PCDH9: variants seen among roughly 807,000 people sequenced by gnomAD.
The protein encoded by PCDH9 is protocadherin 9.
In PCDH9, 24 loss-of-function variants were observed where a neutral mutation model predicts 70.6. The ratio of observed to expected loss-of-function variants is 0.34; its 90% CI spans 0.25 to 0.48. The LOEUF is 0.48. Ranked by LOEUF, PCDH9 falls within the 20% of genes least tolerant of loss-of-function variation. The pLI, the probability that PCDH9 is intolerant of heterozygous loss-of-function variation, is 0.99. For synonymous variants in PCDH9, 562 were observed against 558.5 expected (o/e 1.01, Z -0.09); for missense variants, 1,281 against 1,503.6 (o/e 0.85, Z 2.45).
intron 4 of PCDH9, among the ~76,000 whole-genome samples, chr13:66,313,446 G>C (rs1955597964): frequency 6.6e-6 from 1 of 152,194 alleles, no homozygotes; most frequent in Non-Finnish European, 1.5e-5. Context: ...TGCAGACTAA[G>C]GTGTTAAGCA....
intron 3 of PCDH9, among the ~76,000 whole-genome samples, chr13:66,712,435 T>C (rs1053700192): frequency 3.3e-5 from 5 of 152,134 alleles, no homozygotes; most frequent in Admixed American, 3.3e-4. Flanking sequence ...TTATTTTCCA[T>C]AAAATAACTT....
At chr13:66,815,903 C>T (rs980471221) in intron 3 of PCDH9, among the ~76,000 whole-genome samples, 1 of 152,056 alleles carries the variant, frequency 6.6e-6, no homozygotes, top group Admixed American at 6.6e-5. Flanking sequence ...ACATGCACCC[C>T]GAACCTAACA....
At chr13:66,895,198 ATATT>A (rs2082157512) in intron 3 of PCDH9, among the ~76,000 whole-genome samples, 1 of 152,158 alleles carries the variant, frequency 6.6e-6, no homozygotes, top group African/African-American at 2.4e-5. Context: ...TTATGTGAAA[ATATT>A]TATTTAATTT....
At chr13:67,126,995 T>C (rs1490945336) in intron 2 of PCDH9, among the ~76,000 whole-genome samples, 2 of 152,186 alleles carry the variant, frequency 1.3e-5, no homozygotes, top group Non-Finnish European at 2.9e-5. Flanking sequence ...AAATTTCTGT[T>C]CCCTTAAGTC....
chr13:66,459,474 T>A (rs969233729), intron 4 of PCDH9, among the ~76,000 whole-genome samples: 2 of 151,992 alleles, frequency 1.3e-5, no homozygotes, highest in African/African-American at 4.8e-5. Context: ...AAGTTGTGTT[T>A]TTTTTTTATA....
chr13:66,923,913 T>C (rs961387603), intron 2 of PCDH9, among the ~76,000 whole-genome samples: 1 of 151,808 alleles, frequency 6.6e-6, no homozygotes, highest in Non-Finnish European at 1.5e-5. Flanking sequence ...ACAGTACTTA[T>C]CATACTAATG....
chr13:66,467,080 C>T (rs35818042), intron 4 of PCDH9, among the ~76,000 whole-genome samples: 3,973 of 152,028 alleles, frequency 0.026, 75 homozygotes, highest in Non-Finnish European at 0.041. Flanking sequence ...GGGGAAGTAG[C>T]TTTTTCTTTA....
At chr13:66,877,588 G>A (rs916521529) in intron 3 of PCDH9, among the ~76,000 whole-genome samples, 3 of 152,102 alleles carry the variant, frequency 2.0e-5, no homozygotes, top group African/African-American at 4.8e-5. Flanking sequence ...TGCCCATTCT[G>A]AGATTCAGAG....
intron 4 of PCDH9, among the ~76,000 whole-genome samples, chr13:66,393,084 A>G (rs1160668312): frequency 6.6e-6 from 1 of 152,088 alleles, no homozygotes; most frequent in Non-Finnish European, 1.5e-5. Flanking sequence ...CCTTGAGTAG[A>G]GCTATTGGAA....
intron 4 of PCDH9, among the ~76,000 whole-genome samples, chr13:66,370,403 A>G (rs552772277): frequency 3.2e-4 from 48 of 152,108 alleles, no homozygotes; most frequent in Middle Eastern, 3.4e-3. Flanking sequence ...TTGTTTCGGT[A>G]AAGTGTGTTC....
intron 4 of PCDH9, among the ~76,000 whole-genome samples, chr13:66,448,644 T>C (rs948481660): frequency 1.3e-5 from 2 of 152,292 alleles, no homozygotes; most frequent in South Asian, 4.1e-4. Flanking sequence ...GACAGAGACT[T>C]AATTGTGGGC....
intron 2 of PCDH9, among the ~76,000 whole-genome samples, chr13:67,183,042 A>G (rs1205929049): frequency 6.6e-6 from 1 of 152,168 alleles, no homozygotes; most frequent in East Asian, 1.9e-4. Flanking sequence ...ATAGATTGTA[A>G]GGATTTCTAT....
chr13:67,061,997 T>C (rs976167345), intron 2 of PCDH9, among the ~76,000 whole-genome samples: 3 of 152,142 alleles, frequency 2.0e-5, no homozygotes, highest in Admixed American at 2.0e-4. Flanking sequence ...GAATTCTCAT[T>C]ACTCCTGAAT....
At chr13:66,986,017 T>C (rs1404472738) in intron 2 of PCDH9, among the ~76,000 whole-genome samples, 1 of 151,984 alleles carries the variant, frequency 6.6e-6, no homozygotes, top group African/African-American at 2.4e-5. Flanking sequence ...CATGCTACTA[T>C]AAAGAGCTGC....
intron 3 of PCDH9, among the ~76,000 whole-genome samples, chr13:66,713,625 G>GTGTATATATATATATATATATA (rs1379996611): frequency 1.8e-5 from 2 of 109,996 alleles, no homozygotes; most frequent in African/African-American, 3.7e-5. Context: ...GTGTGTGTGT[G>GTGTATATATATATATATATATA]TATATATATA....
At chr13:66,873,795 C>T (rs1315022868) in intron 3 of PCDH9, among the ~76,000 whole-genome samples, 1 of 151,988 alleles carries the variant, frequency 6.6e-6, no homozygotes, top group Non-Finnish European at 1.5e-5. Flanking sequence ...GCACACACTA[C>T]ACTCTAGATA....
At chr13:66,379,580 A>G (rs1956807043) in intron 4 of PCDH9, among the ~76,000 whole-genome samples, 1 of 152,146 alleles carries the variant, frequency 6.6e-6, no homozygotes, top group South Asian at 2.1e-4. Context: ...AAAGGCTGAG[A>G]GGAGATTCTG....
At chr13:66,525,393 T>A (rs542862653) in intron 4 of PCDH9, among the ~76,000 whole-genome samples, 1 of 152,252 alleles carries the variant, frequency 6.6e-6, no homozygotes, top group South Asian at 2.1e-4. Context: ...CCACATGTGT[T>A]CTGCATCCAA....
At chr13:66,401,624 C>T (rs1404202673) in intron 4 of PCDH9, among the ~76,000 whole-genome samples, 1 of 152,122 alleles carries the variant, frequency 6.6e-6, no homozygotes, top group Non-Finnish European at 1.5e-5. Flanking sequence ...CTGGCCCTCA[C>T]TAACCGAGAT....
Sources: allele counts gnomAD v4.1 joint callset (sites outside exome capture counted in the v4.1 genomes callset), GRCh38; gene constraint gnomAD v4.1.1; transcripts MANE v1.5; gene names NCBI Gene and HGNC (gene_info 2026-07-23, HGNC 2026-07-21).